The following STK4 variants were observed in gnomAD, a reference collection of about 807,000 sequenced individuals.
STK4 encodes serine/threonine-protein kinase 4.
Under a neutral mutation model 64.9 loss-of-function variants are expected in STK4, and 30 were observed. The observed-to-expected ratio is 0.46, with a 90% CI of 0.35 to 0.63. STK4 has a LOEUF of 0.63. Among genes scored for constraint, STK4 ranks in the 20% least tolerant of loss-of-function variants. The pLI is 0.01. For synonymous variants in STK4, 177 were observed against 199.0 expected, an observed-to-expected ratio of 0.89 and a Z score of 0.93; for missense variants, 466 against 598.5, an observed-to-expected ratio of 0.78 and a Z score of 2.31.
chr20:45,010,976 TAAGG>T (rs2068034298), intron 9 of STK4, among the ~76,000 whole-genome samples: 4 of 152,144 alleles, frequency 2.6e-5, no homozygotes, highest in Admixed American at 6.6e-5. Flanking sequence ...GAGAAGGGAT[TAAGG>T]TGGGATTTGA....
rs531636887 is a variant in STK4, at chr20:45,063,790, G to T, written c.1306-11228G>T. Among the ~76,000 whole-genome samples, 670 of 151,930 alleles carry T rather than the reference G, an allele frequency of 4.4e-3. 2 individuals are homozygous for T. The highest frequency in any genetic ancestry group is 0.015 in the African/African-American group (617 of 41,462). The stretch of plus-strand genomic sequence containing the variant: ...TTGTGTATGATATAAGGAAGGGGGG[G>T]GTCCAGTGTTTTTATTTATTTATTT... On this transcript the variant is annotated intron_variant, in intron 10 of 10. Transcript: ENST00000372806.
chr20:45,028,837 A>T (rs1600503118), intron 10 of STK4, among the ~76,000 whole-genome samples: 1 of 152,158 alleles, frequency 6.6e-6, no homozygotes, highest in Non-Finnish European at 1.5e-5. Context: ...CATTGGCAGG[A>T]AACTTGTTTT....
intron 4 of STK4, among the ~76,000 whole-genome samples, chr20:44,982,425 C>G (rs1022991793): frequency 6.6e-6 from 1 of 151,970 alleles, no homozygotes; most frequent in Non-Finnish European, 1.5e-5. Context: ...ATGACCCCCC[C>G]ATGCCTGGCA....
intron 10 of STK4, among the ~76,000 whole-genome samples, chr20:45,065,335 G>A (rs760230711): frequency 3.9e-5 from 6 of 152,044 alleles, no homozygotes; most frequent in Non-Finnish European, 8.8e-5. Context: ...TTTATGTGCC[G>A]CTGGATTCGA....
intron 2 of STK4, among the ~76,000 whole-genome samples, chr20:44,973,636 TA>T (rs1201229521): frequency 2.0e-5 from 3 of 152,254 alleles, no homozygotes. Context: ...AGTTTGCTCT[TA>T]CTACTACAAT....
intron 2 of STK4, chr20:44,975,124 TCA>T (rs1420429543): frequency 6.5e-6 from 1 of 152,938 alleles, no homozygotes; most frequent in Non-Finnish European, 1.5e-5. Flanking sequence ...TAATTTGGCC[TCA>T]GATACTGTGG....
At chr20:45,008,690 G>T (rs527684402) in intron 9 of STK4, among the ~76,000 whole-genome samples, 1 of 152,202 alleles carries the variant, frequency 6.6e-6, no homozygotes. Flanking sequence ...AGCCTCACCA[G>T]CATCTGTTGT....
At chr20:44,995,957 T>C (rs1488431338) in intron 6 of STK4, among the ~76,000 whole-genome samples, 4 of 152,238 alleles carry the variant, frequency 2.6e-5, no homozygotes, top group Admixed American at 2.0e-4. Context: ...ACTTTATCAG[T>C]CTCCATGATT....
chr20:45,017,832 C>T (rs892616758), intron 9 of STK4, among the ~76,000 whole-genome samples: 1 of 152,030 alleles, frequency 6.6e-6, no homozygotes, highest in Non-Finnish European at 1.5e-5. Flanking sequence ...TTCAGTTCAC[C>T]AGAATTAAAA....
intron 9 of STK4, among the ~76,000 whole-genome samples, chr20:45,015,315 T>G (rs2068121578): frequency 6.6e-6 from 1 of 152,218 alleles, no homozygotes; most frequent in Non-Finnish European, 1.5e-5. Flanking sequence ...TGAAAGGGGT[T>G]GTTAGAACAT....
At position 45,079,825 on chromosome 20, in the gene STK4, C is replaced by T. The variant is rs1397480740; in HGVS notation, c.*4649C>T. ...GAGACATAGCTTCCTCCATTGCCCCCACTCCTTTTTTCTTTTTTAAGTTTG... is the reference window on the plus strand; with the variant it reads ...GAGACATAGCTTCCTCCATTGCCCCTACTCCTTTTTTCTTTTTTAAGTTTG... On this transcript the variant is annotated 3_prime_UTR_variant, in exon 11 of 11. Coordinates refer to ENST00000372806, the MANE Select transcript of STK4 (RefSeq NM_006282.5). 1.3e-5 allele frequency: 2 copies of T among 152,594 alleles called. No homozygotes were observed. Among genetic ancestry groups the T allele is most frequent in the Non-Finnish European group, 2.9e-5 (2 of 68,030 alleles). 9.5% of individuals were successfully genotyped at this position (152,594 alleles called of 1,614,324 possible). A position where few individuals can be genotyped will look rare whatever the true frequency, so the allele number is the denominator to read the frequency against.
At chr20:45,021,871 T>C (rs750948733) in intron 9 of STK4, among the ~76,000 whole-genome samples, 2 of 152,224 alleles carry the variant, frequency 1.3e-5, no homozygotes, top group Non-Finnish European at 2.9e-5. Context: ...TAACTGAGCA[T>C]AAATATGTTT....
chr20:45,059,717 A>T (rs958207078), intron 10 of STK4, among the ~76,000 whole-genome samples: 3 of 152,214 alleles, frequency 2.0e-5, no homozygotes, highest in Non-Finnish European at 4.4e-5. Context: ...GGGGAATATA[A>T]TATACTCTTA....
intron 10 of STK4, among the ~76,000 whole-genome samples, chr20:45,042,213 C>T (rs1183229184): frequency 8.5e-6 from 1 of 117,748 alleles, no homozygotes; most frequent in East Asian, 2.1e-4. Context: ...ACATATTTTT[C>T]ACTCTTCTTT....
intron 2 of STK4, among the ~76,000 whole-genome samples, chr20:44,976,037 A>G (rs1776201315): frequency 6.6e-6 from 1 of 152,262 alleles, no homozygotes; most frequent in Non-Finnish European, 1.5e-5. Flanking sequence ...AAAAAGATCA[A>G]GGAGGAGATA....
chr20:44,972,856 G>A (rs1178754073), intron 2 of STK4: 6 of 149,766 alleles, frequency 4.0e-5, no homozygotes, highest in Admixed American at 6.7e-5. Context: ...TTGAATAGGC[G>A]ATACAATCAT....
At chr20:45,072,542 GC>G (rs1479167199) in intron 10 of STK4, among the ~76,000 whole-genome samples, 1 of 152,066 alleles carries the variant, frequency 6.6e-6, no homozygotes, top group African/African-American at 2.4e-5. Context: ...CTTCACAAGG[GC>G]ACTGCTTTTT....
intron 10 of STK4, among the ~76,000 whole-genome samples, chr20:45,047,056 C>G (rs1308765774): frequency 6.6e-6 from 1 of 152,132 alleles, no homozygotes; most frequent in Non-Finnish European, 1.5e-5. Context: ...ATTATCTTGT[C>G]TAATTTTAAA....
At chr20:45,040,247 A>G (rs1484697012) in intron 10 of STK4, among the ~76,000 whole-genome samples, 1 of 152,078 alleles carries the variant, frequency 6.6e-6, no homozygotes, top group Non-Finnish European at 1.5e-5. Context: ...ATTGAAGTAA[A>G]GAAGCATTTC....
Sources: gnomAD v4.1 joint callset for allele counts (sites outside exome capture counted in the v4.1 genomes callset) on GRCh38, gnomAD v4.1.1 for gene constraint, MANE v1.5 for transcripts, NCBI Gene and HGNC (gene_info 2026-07-23, HGNC 2026-07-21) for gene names.